Variants in RASGRF2 observed in about 807,000 individuals in gnomAD.
RASGRF2 encodes the protein ras-specific guanine nucleotide-releasing factor 2.
Under a neutral mutation model 151.0 loss-of-function variants are expected in RASGRF2, and 76 were observed. The observed-to-expected ratio is 0.50, with a 90% CI of 0.42 to 0.61. RASGRF2 has a LOEUF of 0.61. RASGRF2 is among the 20% of genes least tolerant of loss of function. The pLI is 0.00. For synonymous variants in RASGRF2, 504 were observed against 566.5 expected, an observed-to-expected ratio of 0.89 and a Z score of 1.57; for missense variants, 1,148 against 1,564.6, an observed-to-expected ratio of 0.73 and a Z score of 4.49.
intron 1 of RASGRF2, among the ~76,000 whole-genome samples, chr5:81,033,698 G>A (rs1750355108): frequency 6.6e-6 from 1 of 152,028 alleles, no homozygotes; most frequent in Non-Finnish European, 1.5e-5. Flanking sequence ...AAAAACCCTA[G>A]AAGAAAACCT....
At chr5:81,063,971 G>T (rs1461774490) in intron 2 of RASGRF2, among the ~76,000 whole-genome samples, 2 of 151,998 alleles carry the variant, frequency 1.3e-5, no homozygotes, top group African/African-American at 2.4e-5. Flanking sequence ...GGCTGTGTTT[G>T]TTATCTCTTG....
intron 7 of RASGRF2, among the ~76,000 whole-genome samples, chr5:81,083,648 A>G (rs1752148780): frequency 6.6e-6 from 1 of 152,204 alleles, no homozygotes; most frequent in Non-Finnish European, 1.5e-5. Flanking sequence ...CATTAACATA[A>G]TTTTTATTTA....
In RASGRF2 at chr5:81,112,905, T is replaced by G. The variant is rs766982009; in HGVS notation, c.2087+47T>G. On this transcript the variant is annotated intron_variant, in intron 14 of 26. Transcript: ENST00000265080. ...AGCCTGTCATTCGCATATGGCCCTCTTCGTTCCGGAGTCACCATGAGGATG... is the reference window on the plus strand; with the variant it reads ...AGCCTGTCATTCGCATATGGCCCTCGTCGTTCCGGAGTCACCATGAGGATG... 3.1e-6 allele frequency: 5 copies of G among 1,609,812 alleles called. No individual in the cohort carries two copies. In the East Asian group the frequency reaches 1.1e-4, roughly 36 times the overall value.
chr5:81,228,879 T>C lies in RASGRF2; in HGVS notation c.*3109T>C, dbSNP rs781208915. On this transcript the variant is annotated 3_prime_UTR_variant, in exon 27 of 27. Coordinates refer to ENST00000265080, the MANE Select transcript of RASGRF2 (RefSeq NM_006909.3). ...TGGCTCTCATACCAAGTCCCATTAC[T>C]GTTTGTTAAATTTCAGTACGTCTTA... The C allele has an allele frequency of 1.2e-4, 19 of 152,224 alleles. No individual in the cohort carries two copies. Among genetic ancestry groups the C allele is most frequent in the African/African-American group, 4.6e-4 (19 of 41,448 alleles). 9.4% of individuals were successfully genotyped at this position (152,224 alleles called of 1,614,324 possible).
chr5:81,225,569 G>T, intron 26 of RASGRF2, 109 bp from the exon 27 acceptor site: 119 of 1,256,184 alleles, frequency 9.5e-5, no homozygotes, highest in East Asian at 5.0e-4. Context: ...GGTCAAATAA[G>T]ATTTTTAGTT....
At chr5:81,110,431 T>G (rs1048422093) in intron 13 of RASGRF2, among the ~76,000 whole-genome samples, 1 of 152,232 alleles carries the variant, frequency 6.6e-6, no homozygotes, top group African/African-American at 2.4e-5. Flanking sequence ...ATTTCTTTAC[T>G]TAAAATGAAA....
intron 13 of RASGRF2, among the ~76,000 whole-genome samples, chr5:81,109,614 C>T (rs1402934314): frequency 1.3e-5 from 2 of 152,042 alleles, no homozygotes; most frequent in Non-Finnish European, 1.5e-5. Context: ...TGCAGTGAGC[C>T]GAGATCACGC....
At chr5:81,099,994 G>A (rs1304010557) in intron 12 of RASGRF2, among the ~76,000 whole-genome samples, 1 of 142,750 alleles carries the variant, frequency 7.0e-6, no homozygotes, top group African/African-American at 2.6e-5. Context: ...TGCAAGCTCC[G>A]CCTCCCGGGT....
intron 1 of RASGRF2, among the ~76,000 whole-genome samples, chr5:81,035,162 C>T (rs1205041398): frequency 3.9e-5 from 6 of 152,054 alleles, no homozygotes; most frequent in African/African-American, 7.2e-5. Flanking sequence ...CACAAGCACA[C>T]GTATGTTTAT....
intron 1 of RASGRF2, among the ~76,000 whole-genome samples, chr5:81,013,358 C>A (rs1348238440): frequency 6.6e-6 from 1 of 152,150 alleles, no homozygotes; most frequent in African/African-American, 2.4e-5. Context: ...ATACTTTCTC[C>A]CTTAATTTCT....
intron 1 of RASGRF2, among the ~76,000 whole-genome samples, chr5:81,036,640 C>T (rs1037003572): frequency 3.3e-5 from 5 of 152,060 alleles, no homozygotes; most frequent in African/African-American, 1.2e-4. Flanking sequence ...TACTTAAGGA[C>T]ATTGTATACC....
chr5:80,971,061 A>G (rs1203998438), intron 1 of RASGRF2, among the ~76,000 whole-genome samples: 1 of 152,238 alleles, frequency 6.6e-6, no homozygotes, highest in Admixed American at 6.5e-5. Context: ...TCTTGTAACA[A>G]TAAATTAAAA....
At chr5:81,038,188 A>G (rs1750564426) in intron 1 of RASGRF2, among the ~76,000 whole-genome samples, 1 of 151,398 alleles carries the variant, frequency 6.6e-6, no homozygotes, top group Admixed American at 6.6e-5. Flanking sequence ...GTTTACTTGT[A>G]CCAATATGTG....
intron 1 of RASGRF2, among the ~76,000 whole-genome samples, chr5:81,035,408 A>G (rs1750449948): frequency 6.6e-6 from 1 of 152,188 alleles, no homozygotes; most frequent in Non-Finnish European, 1.5e-5. Flanking sequence ...TGGGAATTGA[A>G]CGATGAGAAC....
chr5:81,055,906 G>A (rs962414754), intron 2 of RASGRF2, among the ~76,000 whole-genome samples: 4 of 152,224 alleles, frequency 2.6e-5, no homozygotes, highest in African/African-American at 9.6e-5. Flanking sequence ...AGATTTTCTA[G>A]TTTATTTTCG....
chr5:81,178,949 G>A (rs185064076), intron 17 of RASGRF2, among the ~76,000 whole-genome samples: 1 of 152,038 alleles, frequency 6.6e-6, no homozygotes, highest in Non-Finnish European at 1.5e-5. Context: ...CATGTTAGCC[G>A]GGATGGTCTG....
chr5:81,065,743 C>A (rs1751581609), intron 2 of RASGRF2, among the ~76,000 whole-genome samples: 1 of 152,162 alleles, frequency 6.6e-6, no homozygotes, highest in Admixed American at 6.5e-5. Context: ...GTGGTTTCCT[C>A]TACTCTCATT....
intron 2 of RASGRF2, among the ~76,000 whole-genome samples, chr5:81,055,945 T>C (rs1385092963): frequency 6.6e-6 from 1 of 152,232 alleles, no homozygotes; most frequent in East Asian, 1.9e-4. Flanking sequence ...TCTCTGGTGG[T>C]AGTTTGTATT....
At chr5:81,139,514 C>G (rs1308833048) in intron 17 of RASGRF2, among the ~76,000 whole-genome samples, 2 of 151,224 alleles carry the variant, frequency 1.3e-5, no homozygotes, top group Non-Finnish European at 2.9e-5. Context: ...GCAGCTGCCA[C>G]CACACACACT....
Sources: gnomAD v4.1 joint callset for allele counts (sites outside exome capture counted in the v4.1 genomes callset) on GRCh38, gnomAD v4.1.1 for gene constraint, MANE v1.5 for transcripts, NCBI Gene and HGNC (gene_info 2026-07-23, HGNC 2026-07-21) for gene names.